The following IFT122 variants were observed in gnomAD, a reference collection of about 807,000 sequenced individuals.
IFT122 encodes the protein intraflagellar transport 122.
Under a neutral mutation model 161.6 loss-of-function variants are expected in IFT122, and 118 were observed. The observed-to-expected ratio is 0.73, with a 90% CI of 0.63 to 0.85. IFT122 has a LOEUF of 0.85. Among genes scored for constraint, IFT122 ranks in the 40% least tolerant of loss-of-function variants. IFT122 has a pLI of 0.00. For missense variants in IFT122, 1,381 were observed against 1,579.6 expected, an observed-to-expected ratio of 0.87 and a Z score of 2.13; for synonymous variants, 550 against 602.4, an observed-to-expected ratio of 0.91 and a Z score of 1.27.
intron 17 of IFT122, among the ~76,000 whole-genome samples, chr3:129,492,572 A>G (rs1014297056): frequency 7.2e-5 from 11 of 152,088 alleles, no homozygotes; most frequent in African/African-American, 2.7e-4. Flanking sequence ...CAGTAATCTG[A>G]TAGTGTTGGA....
At chr3:129,440,416 G>A in intron 1 of IFT122, 45 bp downstream of exon 1, 1 of 1,544,660 alleles carries the variant, frequency 6.5e-7, no homozygotes, top group Non-Finnish European at 8.7e-7. Flanking sequence ...TCGAGTCCTC[G>A]CGGGGAGTGC....
intron 10 of IFT122, 56 bp downstream of exon 10, chr3:129,476,562 C>A: frequency 1.9e-6 from 3 of 1,612,938 alleles, no homozygotes; most frequent in Non-Finnish European, 2.5e-6. Flanking sequence ...ACTGAGCAGC[C>A]GCCGTGTCTC....
At chr3:129,485,759 G>A (rs1420556321) in intron 15 of IFT122, among the ~76,000 whole-genome samples, 1 of 152,264 alleles carries the variant, frequency 6.6e-6, no homozygotes, top group African/African-American at 2.4e-5. Context: ...TCCTCTGCCA[G>A]GACTTTAAGA....
At chr3:129,461,434 A>G in intron 5 of IFT122, 130 bp downstream of exon 5, 1 of 745,172 alleles carries the variant, frequency 1.3e-6, no homozygotes, top group East Asian at 2.6e-5. Context: ...TCAATGGCTG[A>G]GGGGAGGCTG....
chr3:129,484,446 T>A (rs1268016503), intron 15 of IFT122, among the ~76,000 whole-genome samples: 1 of 152,226 alleles, frequency 6.6e-6, no homozygotes, highest in African/African-American at 2.4e-5. Context: ...ATATATAATA[T>A]ATGCATAATA....
intron 3 of IFT122, chr3:129,456,307 C>T: frequency 8.3e-7 from 1 of 1,211,698 alleles, no homozygotes; most frequent in Non-Finnish European, 1.1e-6. Context: ...GCAGCAATAT[C>T]ATATGGCTCA....
chr3:129,451,271 A>G (rs2074809243), intron 2 of IFT122, among the ~76,000 whole-genome samples: 1 of 150,150 alleles, frequency 6.7e-6, no homozygotes. Context: ...CCTAATTTTT[A>G]TTTTTTTTTA....
chr3:129,454,223 CAT>C (rs1417745685), intron 3 of IFT122, among the ~76,000 whole-genome samples: 1 of 151,998 alleles, frequency 6.6e-6, no homozygotes, highest in African/African-American at 2.4e-5. Context: ...TGCATAAAGA[CAT>C]AAACAATTGG....
intron 1 of IFT122, among the ~76,000 whole-genome samples, chr3:129,444,435 T>C (rs1304818162): frequency 1.3e-5 from 2 of 152,262 alleles, no homozygotes; most frequent in African/African-American, 4.8e-5. Flanking sequence ...TGTACTTTAG[T>C]TTCCTCATTG....
intron 4 of IFT122, among the ~76,000 whole-genome samples, chr3:129,459,609 TTTCCTTCC>T (rs57673836): frequency 2.3e-4 from 30 of 127,676 alleles, no homozygotes; most frequent in African/African-American, 5.0e-4. Context: ...TCCTTCCTTC[TTTCCTTCC>T]TTCCTTCCTT....
chr3:129,515,952 G>GCCC (rs1490321675), intron 26 of IFT122, among the ~76,000 whole-genome samples: 1 of 152,060 alleles, frequency 6.6e-6, no homozygotes, highest in Non-Finnish European at 1.5e-5. Context: ...AGGATCAGAA[G>GCCC]CCCCTTCCCA....
intron 9 of IFT122, among the ~76,000 whole-genome samples, chr3:129,474,431 A>G (rs573147299): frequency 2.6e-5 from 4 of 152,312 alleles, no homozygotes; most frequent in African/African-American, 7.2e-5. Context: ...TCCAGTGGTA[A>G]TAAGGAACTT....
intron 9 of IFT122, among the ~76,000 whole-genome samples, chr3:129,474,016 T>C (rs2077643558): frequency 1.3e-5 from 2 of 152,246 alleles, no homozygotes; most frequent in African/African-American, 2.4e-5. Context: ...TAAGAATTTT[T>C]AGTTTTCTTG....
At chr3:129,503,366 C>T (rs2081827717) in intron 20 of IFT122, among the ~76,000 whole-genome samples, 2 of 152,166 alleles carry the variant, frequency 1.3e-5, no homozygotes, top group Admixed American at 1.3e-4. Flanking sequence ...TCTGCCCCCA[C>T]CCCACAACCA....
intron 25 of IFT122, 122 bp downstream of exon 25, chr3:129,514,676 C>T: frequency 8.7e-7 from 1 of 1,152,826 alleles, no homozygotes; most frequent in East Asian, 2.4e-5. Flanking sequence ...AGGCTCTGTG[C>T]CCCCTGCTCA....
intron 22 of IFT122, 86 bp from the exon 23 acceptor site, chr3:129,507,582 T>C: frequency 7.1e-6 from 7 of 987,310 alleles, no homozygotes; most frequent in Non-Finnish European, 1.1e-5. Context: ...GGAAAAGTAC[T>C]GTTGCCTGGC....
intron 3 of IFT122, chr3:129,456,404 C>A: frequency 1.8e-6 from 1 of 554,676 alleles, no homozygotes; most frequent in Non-Finnish European, 2.7e-6. Context: ...TTTGGGAAGC[C>A]AAGGCGGGTG....
intron 15 of IFT122, chr3:129,487,551 G>T (rs72983886): frequency 0.034 from 5,330 of 157,568 alleles, 279 homozygotes; most frequent in South Asian, 0.11. Flanking sequence ...TCTTGTAGGA[G>T]GGCATCTGTC....
intron 23 of IFT122, among the ~76,000 whole-genome samples, chr3:129,511,522 A>C (rs1010046190): frequency 1.3e-5 from 2 of 152,192 alleles, no homozygotes; most frequent in Admixed American, 1.3e-4. Flanking sequence ...CTCACCATCT[A>C]AAGCTTTATT....
Sources: allele counts gnomAD v4.1 joint callset (sites outside exome capture counted in the v4.1 genomes callset), GRCh38; gene constraint gnomAD v4.1.1; transcripts MANE v1.5; gene names NCBI Gene and HGNC (gene_info 2026-07-23, HGNC 2026-07-21).